Variants in DENR observed in about 807,000 individuals in gnomAD.
DENR encodes the protein density-regulated protein.
DENR carries 6 observed loss-of-function variants against 30.6 expected under a neutral mutation model. That is an observed-to-expected ratio of 0.20 (90% CI 0.11 to 0.39). The LOEUF (loss-of-function observed/expected upper bound fraction) is 0.39, where lower values mean the gene tolerates loss of function less well. Among genes scored for constraint, DENR ranks in the 10% least tolerant of loss-of-function variants. The pLI is 1.00. For missense variants in DENR, 141 were observed against 230.9 expected, an observed-to-expected ratio of 0.61 and a Z score of 2.52; for synonymous variants, 78 against 72.1, an observed-to-expected ratio of 1.08 and a Z score of -0.41.
chr12:122,767,706 C>T (rs1878884810), intron 6 of DENR, 102 bp downstream of exon 6: 1 of 563,922 alleles, frequency 1.8e-6, no homozygotes, highest in African/African-American at 2.0e-5. Context: ...ATGAAAACTT[C>T]ACAGGTCTGT....
intron 7 of DENR, 34 bp from the exon 8 acceptor site, chr12:122,769,000 C>A (rs532771001): frequency 3.1e-6 from 5 of 1,608,618 alleles, no homozygotes; most frequent in South Asian, 2.2e-5. Flanking sequence ...ATTGCAACCA[C>A]AACTCATGAG....
intron 4 of DENR, among the ~76,000 whole-genome samples, chr12:122,763,980 C>T (rs1878777070): frequency 2.6e-5 from 4 of 152,188 alleles, no homozygotes; most frequent in African/African-American, 7.2e-5. Context: ...GAAAAGGTGG[C>T]AGTTGATTAT....
chr12:122,753,870 T>C, intron 2 of DENR, 63 bp downstream of exon 2: 1 of 1,302,816 alleles, frequency 7.7e-7, no homozygotes, highest in Non-Finnish European at 1.1e-6. Flanking sequence ...GTAATAACAG[T>C]TTGACATTTG....
At position 122,769,045 on chromosome 12, in the gene DENR, C is replaced by T. The variant is rs550965293; in HGVS notation, c.564C>T (p.Asp188=). ...TTTGTGTTTTATAGGTAGATGATGA[C>T]AGCATCGAAGATCTTGGAGAAGTAA... is the stretch of plus-strand genomic sequence containing the variant. ...IQEKWPEVDD[D]SIEDLGEVKK is the part of the protein sequence containing the mutation. Residue 188 remains aspartate, a synonymous_variant, in exon 8 of 8, where the codon GAC becomes GAT. Transcript: ENST00000280557. 10 of 1,611,016 alleles carry T rather than the reference C, an allele frequency of 6.2e-6. No homozygotes were observed. Among genetic ancestry groups the T allele is most frequent in the Middle Eastern group, 3.5e-4 (2 of 5,782 alleles).
chr12:122,762,927 T>A lies in DENR; in HGVS notation c.209T>A (p.Val70Glu). Residue 70 changes from valine (V) to glutamate (E), a missense_variant and splice_region_variant, in exon 4 of 8, where the codon GTA becomes GAA. Val to Glu is a moderately radical substitution (Grantham distance 121). Transcript: ENST00000280557. ...NFPNEFAKLT[V>E]ENSPKQEAGI... ...CCAAATGAATTTGCAAAACTTACTGTAGGTATGAACATTTTTTTTCTTGCA... is the reference window on the plus strand; with the variant it reads ...CCAAATGAATTTGCAAAACTTACTGAAGGTATGAACATTTTTTTTCTTGCA... 1 of 1,528,046 alleles carries A rather than the reference T, an allele frequency of 6.5e-7. No individual in the cohort carries two copies. Among genetic ancestry groups the A allele is most frequent in the Non-Finnish European group, 8.8e-7 (1 of 1,130,496 alleles). 94.7% of individuals were successfully genotyped at this position (1,528,046 alleles called of 1,614,324 possible). A position where few individuals can be genotyped will look rare whatever the true frequency, so the allele number is the denominator to read the frequency against.
Position 122,753,276 on chromosome 12 carries a change from A to T in DENR, c.-10+326A>T, listed in dbSNP as rs552837637. Among the ~76,000 whole-genome samples, 20 of 148,636 alleles carry T rather than the reference A, an allele frequency of 1.3e-4. 1 individual carries two copies. The South Asian group carries it at 4.2e-3, about 31-fold the overall frequency. On this transcript the variant is annotated intron_variant, in intron 1 of 7. Coordinates refer to ENST00000280557, the MANE Select transcript of DENR (RefSeq NM_003677.5). ...ACACCCTGCACCCCGGGCTTCTCCG[A>T]TGACCCACCCCTTGTTCCTAGGCAC...
intron 2 of DENR, among the ~76,000 whole-genome samples, chr12:122,760,070 G>A (rs541280558): frequency 6.6e-6 from 1 of 152,302 alleles, no homozygotes; most frequent in East Asian, 1.9e-4. Context: ...AATGTTAGTA[G>A]GGTGAGGTGA....
intron 2 of DENR, 166 bp downstream of exon 2, chr12:122,753,973 C>G (rs1051724229): frequency 1.6e-6 from 1 of 642,342 alleles, no homozygotes; most frequent in African/African-American, 1.8e-5. Context: ...CAGAGTTTCC[C>G]CACCTGGGTG....
In DENR at chr12:122,769,309, C is replaced by CATATATACATATATACACAT. The variant is rs34625739; in HGVS notation, c.*235_*236insATACATATATACACATATAT. Reference sequence around the variant, plus strand: ...ACACATATATGTATACATATATACACATATGTATACATATATATATATTCT... The same window carrying CATATATACATATATACACAT: ...ACACATATATGTATACATATATACACATATATACATATATACACATATATGTATACATATATATATATTCT... On this transcript the variant is annotated 3_prime_UTR_variant, in exon 8 of 8. Transcript: ENST00000280557. 1 of 737,790 alleles carries CATATATACATATATACACAT rather than the reference C, an allele frequency of 1.4e-6. No individual in the cohort carries two copies. The highest frequency in any genetic ancestry group is 1.1e-4 in the East Asian group (1 of 9,386). The allele number at this position is 737,790 out of a possible 1,614,324, so 45.7% of individuals were successfully genotyped here. A position where few individuals can be genotyped will look rare whatever the true frequency, so the allele number is the denominator to read the frequency against.
At chr12:122,753,645 G>C (rs1244663167) in intron 1 of DENR, 48 bp from the exon 2 acceptor site, 2 of 1,429,222 alleles carry the variant, frequency 1.4e-6, no homozygotes, top group Non-Finnish European at 2.0e-6. Flanking sequence ...GCTCTTCTGG[G>C]GTCTTGATTC....
intron 2 of DENR, among the ~76,000 whole-genome samples, chr12:122,759,090 C>T (rs908951923): frequency 2.0e-5 from 3 of 151,930 alleles, no homozygotes; most frequent in Admixed American, 6.6e-5. Context: ...GGTGATCCAC[C>T]ACCTCGGCCT....
chr12:122,769,879 T>G lies in DENR; in HGVS notation c.*801T>G, dbSNP rs1429341238. The G allele has an allele frequency of 6.6e-6, 1 of 152,298 alleles. No homozygotes were observed. Among genetic ancestry groups the G allele is most frequent in the African/African-American group, 2.4e-5 (1 of 41,398 alleles). The allele number at this position is 152,298 out of a possible 1,614,324, so 9.4% of individuals were successfully genotyped here. On this transcript the variant is annotated 3_prime_UTR_variant, in exon 8 of 8. Transcript: ENST00000280557. ...GACTTTTTGTGGGGAGCATTTTTGTTGATAATTTTACTGATCTAAAGCTGA... is the reference window on the plus strand; with the variant it reads ...GACTTTTTGTGGGGAGCATTTTTGTGGATAATTTTACTGATCTAAAGCTGA...
Position 122,756,321 on chromosome 12 carries a change from C to T in DENR, c.106+2514C>T, listed in dbSNP as rs867776207. Reference sequence around the variant, plus strand: ...AAAATTAGCTGGGCATAGTGGCAGGCGCCTGTAATCCCAGCTACTCGGGAG... The same window carrying T: ...AAAATTAGCTGGGCATAGTGGCAGGTGCCTGTAATCCCAGCTACTCGGGAG... On this transcript the variant is annotated intron_variant, in intron 2 of 7. Coordinates refer to ENST00000280557, the MANE Select transcript of DENR (RefSeq NM_003677.5). Among the ~76,000 whole-genome samples the T allele has an allele frequency of 7.2e-5, 11 of 152,104 alleles. No homozygotes were observed. The East Asian group carries it at 7.7e-4, about 11-fold the overall frequency.
At position 122,768,912 on chromosome 12, in the gene DENR, A is replaced by G; in HGVS notation, c.543A>G (p.Lys181=). 2.5e-6 allele frequency: 4 copies of G among 1,611,900 alleles called. No individual in the cohort carries two copies. The highest frequency in any genetic ancestry group is 2.5e-6 in the Non-Finnish European group (3 of 1,179,114). The part of the protein sequence containing the change: ...TDDIIDVIQE[K]WPEVDDDSIE... Reference sequence around the variant, plus strand: ...ACATAATTGATGTCATTCAGGAAAAATGGCCAGAGGTGAGTGCATGGAACA... The same window carrying G: ...ACATAATTGATGTCATTCAGGAAAAGTGGCCAGAGGTGAGTGCATGGAACA... Residue 181 remains lysine (K), a synonymous_variant, in exon 7 of 8, where the codon AAA becomes AAG. Coordinates refer to ENST00000280557, the MANE Select transcript of DENR (RefSeq NM_003677.5).
intron 3 of DENR, 102 bp downstream of exon 3, chr12:122,762,308 G>A (rs1273885508): frequency 1.2e-6 from 1 of 826,638 alleles, no homozygotes; most frequent in Non-Finnish European, 1.8e-6. Context: ...TTGATTATTT[G>A]ATAGTAAAGC....
rs544309123 is a variant in DENR, at chr12:122,762,920, C to G, written c.202C>G (p.Leu68Val). The change falls in exon 4 of 8, where the codon CTT (leucine) becomes GTT (valine). Residue 68 changes from leucine to valine, a missense_variant. Leu to Val is a conservative substitution (Grantham distance 32). Coordinates refer to ENST00000280557, the MANE Select transcript of DENR (RefSeq NM_003677.5). ...EKNFPNEFAKLTVENSPKQEA... is the reference protein window; with the variant it reads ...EKNFPNEFAKVTVENSPKQEA... ...GAATTTTCCAAATGAATTTGCAAAACTTACTGTAGGTATGAACATTTTTTT... is the reference window on the plus strand; with the variant it reads ...GAATTTTCCAAATGAATTTGCAAAAGTTACTGTAGGTATGAACATTTTTTT... 6.5e-7 allele frequency: 1 copy of G among 1,540,458 alleles called. No homozygotes were observed. Among genetic ancestry groups the G allele is most frequent in the Admixed American group, 2.0e-5 (1 of 49,612 alleles).
At position 122,769,087 on chromosome 12, in the gene DENR, A is replaced by G; in HGVS notation, c.*9A>G. On this transcript the variant is annotated 3_prime_UTR_variant, in exon 8 of 8. Transcript: ENST00000280557. ...GAGAAGTAAAGAAGTGAATTTGAAA[A>G]TTTGTCTGTATTTAATGGCCTGAAC... The G allele has an allele frequency of 6.2e-7, 1 of 1,606,810 alleles. No individual in the cohort carries two copies.
At chr12:122,766,333 A>G (rs192796399) in intron 5 of DENR, among the ~76,000 whole-genome samples, 80 of 152,250 alleles carry the variant, frequency 5.3e-4, no homozygotes, top group Non-Finnish European at 9.1e-4. Context: ...TAGGTCTCCT[A>G]TCACTCCTCC....
intron 6 of DENR, 108 bp from the exon 7 acceptor site, chr12:122,768,674 T>A (rs1878913462): frequency 9.7e-7 from 1 of 1,025,956 alleles, no homozygotes; most frequent in Non-Finnish European, 1.4e-6. Context: ...TAAAACCCAT[T>A]AACAATCTGT....
Sources: gnomAD v4.1 joint callset for allele counts (sites outside exome capture counted in the v4.1 genomes callset) on GRCh38, gnomAD v4.1.1 for gene constraint, MANE v1.5 for transcripts, NCBI Gene and HGNC (gene_info 2026-07-23, HGNC 2026-07-21) for gene names.